Variants in F8 observed in about 807,000 individuals in gnomAD.
The protein encoded by F8 is coagulation factor VIII.
F8 carries 12 observed loss-of-function variants against 140.6 expected under a neutral mutation model. That is an observed-to-expected ratio of 0.09 (90% CI 0.05 to 0.14). F8 has a LOEUF of 0.14. Ranked by LOEUF, F8 falls within the 10% of genes least tolerant of loss-of-function variation. The probability of loss-of-function intolerance (pLI) is 1.00; values close to 1 mark genes in which losing one functional copy is unlikely to be tolerated. For missense variants in F8, 1,354 were observed against 1,720.7 expected (o/e 0.79, Z 3.77); for synonymous variants, 585 against 614.6 (o/e 0.95, Z 0.71).
intron 6 of F8, among the ~76,000 whole-genome samples, chrX:154,979,524 G>A (rs1432830432): frequency 8.9e-6 from 1 of 111,732 alleles, no homozygotes; most frequent in Non-Finnish European, 1.9e-5. Context: ...AGGTTGGGGT[G>A]CAGCAGTAGC....
At chrX:154,838,461 A>C (rs1294566880) in intron 25 of F8, among the ~76,000 whole-genome samples, 1 of 112,124 alleles carries the variant, frequency 8.9e-6, no homozygotes, top group African/African-American at 3.2e-5. Flanking sequence ...GTCCAGCCAA[A>C]TGGTGAGAAT....
intron 14 of F8, among the ~76,000 whole-genome samples, chrX:154,910,993 G>T (rs1415787434): frequency 9.1e-6 from 1 of 110,404 alleles, no homozygotes; most frequent in Non-Finnish European, 1.9e-5. Flanking sequence ...TCAGGGCACA[G>T]CACATTTCCT....
At chrX:154,890,224 AACTC>A (rs1403375347) in intron 22 of F8, among the ~76,000 whole-genome samples, 1 of 104,808 alleles carries the variant, frequency 9.5e-6, no homozygotes, top group Non-Finnish European at 1.9e-5. Context: ...AACTATTCTT[AACTC>A]ACAGTCCGTA....
intron 23 of F8, 53 bp downstream of exon 23, chrX:154,863,030 G>C (rs2072705206): frequency 8.5e-7 from 1 of 1,173,057 alleles, no homozygotes; most frequent in African/African-American, 1.8e-5. Context: ...AGAACAGTTA[G>C]TCACCCTACC....
At chrX:154,913,265 T>C (rs782681976) in intron 14 of F8, among the ~76,000 whole-genome samples, 1 of 111,796 alleles carries the variant, frequency 8.9e-6, no homozygotes, top group Non-Finnish European at 1.9e-5. Flanking sequence ...TTGTTTTTTT[T>C]TAAAAAATCT....
At chrX:154,951,289 T>C (rs2073336564) in intron 12 of F8, among the ~76,000 whole-genome samples, 1 of 111,939 alleles carries the variant, frequency 8.9e-6, no homozygotes. Flanking sequence ...AACAAACATC[T>C]AGGTCATGAA....
intron 25 of F8, among the ~76,000 whole-genome samples, chrX:154,840,219 A>G (rs782660659): frequency 8.9e-6 from 1 of 112,549 alleles, no homozygotes; most frequent in Admixed American, 9.4e-5. Context: ...TGGTATTAGC[A>G]ACCCTTAAAG....
At chrX:154,860,321 A>C (rs1409775958) in intron 25 of F8, 111 bp downstream of exon 25, 96 of 789,369 alleles carry the variant, frequency 1.2e-4, no homozygotes, top group Middle Eastern at 4.3e-4. Flanking sequence ...GTACTTAATA[A>C]ATTTTGCTCT....
intron 3 of F8, 108 bp downstream of exon 3, chrX:154,996,865 A>G: frequency 1.2e-6 from 1 of 839,863 alleles, no homozygotes; most frequent in Non-Finnish European, 1.8e-6. Context: ...AATACACATA[A>G]TGTTCAGTTA....
chrX:154,968,219 T>C (rs1373491905), intron 7 of F8, among the ~76,000 whole-genome samples: 1 of 111,385 alleles, frequency 9.0e-6, no homozygotes, highest in Non-Finnish European at 1.9e-5. Context: ...CTAATGCAGT[T>C]ATCTGGGGAA....
chrX:155,005,769 T>C (rs1268714539), intron 1 of F8, among the ~76,000 whole-genome samples: 1 of 112,006 alleles, frequency 8.9e-6, no homozygotes, highest in African/African-American at 3.2e-5. Flanking sequence ...TGAGAACCAA[T>C]TTTGGCTGAA....
At chrX:154,878,714 A>G (rs947080727) in intron 22 of F8, among the ~76,000 whole-genome samples, 5 of 111,976 alleles carry the variant, frequency 4.5e-5, no homozygotes, top group Non-Finnish European at 9.4e-5. Flanking sequence ...TCAGATGAAC[A>G]TGAGCTTATG....
At chrX:154,968,576 A>G (rs1446954089) in intron 7 of F8, among the ~76,000 whole-genome samples, 1 of 112,062 alleles carries the variant, frequency 8.9e-6, no homozygotes, top group African/African-American at 3.2e-5. Context: ...TGATGATGCA[A>G]TCTGAATTTG....
At chrX:155,006,275 C>T (rs1427610542) in intron 1 of F8, among the ~76,000 whole-genome samples, 1 of 84,725 alleles carries the variant, frequency 1.2e-5, no homozygotes, top group Non-Finnish European at 2.3e-5. Context: ...AAGTGCTTTC[C>T]GTGAAAAGGG....
Position 154,860,471 on chromosome X carries a change from G to A in F8, c.6861C>T (p.Gly2287=). The A allele has an allele frequency of 8.3e-7, 1 of 1,211,032 alleles. No homozygotes were observed. Among genetic ancestry groups the A allele is most frequent in the Non-Finnish European group, 1.1e-6 (1 of 895,065 alleles). ...KEFLISSSQD[G]HQWTLFFQNG... ...TCTGAAAAAAGAGAGTCCACTGATG[G>A]CCATCTTGACTGCTGGAGATGAGGA... Residue 2287 remains glycine (G), a synonymous_variant, in exon 25 of 26, where the codon GGC becomes GGT. Transcript: ENST00000360256.
intron 21 of F8, chrX:154,897,843 G>A (rs2072990045): frequency 8.9e-6 from 1 of 112,322 alleles, no homozygotes; most frequent in African/African-American, 3.2e-5. Context: ...CCTACATTCT[G>A]CAACTGACAA....
chrX:154,961,710 C>T (rs1402018434), intron 9 of F8, among the ~76,000 whole-genome samples: 1 of 110,988 alleles, frequency 9.0e-6, no homozygotes, highest in Non-Finnish European at 1.9e-5. Flanking sequence ...CAAGGAGACC[C>T]CAGAGATGGC....
At chrX:154,934,344 C>G (rs981690626) in intron 13 of F8, among the ~76,000 whole-genome samples, 2 of 111,773 alleles carry the variant, frequency 1.8e-5, no homozygotes, top group African/African-American at 6.5e-5. Flanking sequence ...CCTACTTCAG[C>G]CTCCCAAAGT....
chrX:154,904,249 G>A, intron 17 of F8, 47 bp downstream of exon 17: 1 of 1,119,830 alleles, frequency 8.9e-7, no homozygotes, highest in Admixed American at 2.2e-5. Flanking sequence ...TTGTCAAAGT[G>A]CAATCTGCAT....
Sources: allele counts gnomAD v4.1 joint callset (sites outside exome capture counted in the v4.1 genomes callset), GRCh38; gene constraint gnomAD v4.1.1; transcripts MANE v1.5; gene names NCBI Gene and HGNC (gene_info 2026-07-23, HGNC 2026-07-21).